The following SDK1 variants were observed in gnomAD, a reference collection of about 807,000 sequenced individuals.
SDK1 encodes sidekick cell adhesion molecule 1.
Under a neutral mutation model 245.5 loss-of-function variants are expected in SDK1, and 157 were observed. The observed-to-expected ratio is 0.64, with a 90% CI of 0.56 to 0.73. The LOEUF is 0.73. Ranked by LOEUF, SDK1 falls within the 30% of genes least tolerant of loss-of-function variation. The probability of loss-of-function intolerance (pLI) is 0.00; values close to 1 mark genes in which losing one functional copy is unlikely to be tolerated. For missense variants in SDK1, 3,583 were observed against 3,002.3 expected (o/e 1.19, Z -4.52); for synonymous variants, 1,647 against 1,278.5 (o/e 1.29, Z -6.15).
At chr7:3,422,170 T>C (rs1218257544) in intron 1 of SDK1, among the ~76,000 whole-genome samples, 2 of 152,192 alleles carry the variant, frequency 1.3e-5, no homozygotes, top group South Asian at 4.1e-4. Context: ...ATAAAACTTG[T>C]TACCTTCAAG....
At chr7:3,656,505 G>A (rs1158445782) in intron 4 of SDK1, among the ~76,000 whole-genome samples, 2 of 152,098 alleles carry the variant, frequency 1.3e-5, no homozygotes, top group Non-Finnish European at 2.9e-5. Flanking sequence ...CTCTAAGGGG[G>A]TACTGCTGGA....
At chr7:4,108,095 T>G (rs1374467487) in intron 22 of SDK1, among the ~76,000 whole-genome samples, 2 of 152,162 alleles carry the variant, frequency 1.3e-5, no homozygotes, top group Non-Finnish European at 2.9e-5. Flanking sequence ...AGTGAGCTCC[T>G]CTGAGATCCC....
intron 5 of SDK1, among the ~76,000 whole-genome samples, chr7:3,867,289 G>A (rs980110131): frequency 6.6e-6 from 1 of 152,136 alleles, no homozygotes; most frequent in Non-Finnish European, 1.5e-5. Context: ...TTCATTGAAA[G>A]CATGTTTTTC....
chr7:3,981,903 T>C (rs971813119), intron 13 of SDK1, among the ~76,000 whole-genome samples: 5 of 152,210 alleles, frequency 3.3e-5, no homozygotes, highest in African/African-American at 1.2e-4. Flanking sequence ...AAGACCTAGC[T>C]AGGAACAGTG....
At chr7:4,183,626 G>A (rs1782717237) in intron 35 of SDK1, among the ~76,000 whole-genome samples, 1 of 139,646 alleles carries the variant, frequency 7.2e-6, no homozygotes, top group Admixed American at 7.5e-5. Flanking sequence ...GGGCTACAGA[G>A]CAAGACTCCG....
intron 4 of SDK1, among the ~76,000 whole-genome samples, chr7:3,749,721 A>G (rs888664492): frequency 6.6e-6 from 1 of 151,336 alleles, no homozygotes; most frequent in African/African-American, 2.4e-5. Context: ...ACCTTGGTGC[A>G]GAGAGAGAGA....
intron 36 of SDK1, among the ~76,000 whole-genome samples, 189 bp from the exon 37 acceptor site, chr7:4,207,910 G>T (rs1784315142): frequency 6.6e-6 from 1 of 152,078 alleles, no homozygotes; most frequent in Non-Finnish European, 1.5e-5. Flanking sequence ...GCAGCCAGGG[G>T]TCCCCGTCCA....
At chr7:3,958,200 A>G (rs1366614658) in intron 7 of SDK1, 2 of 320,490 alleles carry the variant, frequency 6.2e-6, no homozygotes, top group Non-Finnish European at 1.2e-5. Flanking sequence ...TGTTATCATG[A>G]TAATGAAATC....
chr7:4,114,706 G>C (rs1339228530), intron 25 of SDK1, among the ~76,000 whole-genome samples: 1 of 152,106 alleles, frequency 6.6e-6, no homozygotes, highest in East Asian at 1.9e-4. Context: ...AACATAATAG[G>C]AGTTTACTTC....
At chr7:3,498,145 G>A (rs1227926736) in intron 1 of SDK1, among the ~76,000 whole-genome samples, 2 of 152,176 alleles carry the variant, frequency 1.3e-5, no homozygotes, top group Non-Finnish European at 2.9e-5. Flanking sequence ...GGGCCTCTTT[G>A]TAAAATTCAG....
At chr7:3,486,731 A>C (rs981997256) in intron 1 of SDK1, among the ~76,000 whole-genome samples, 10 of 152,018 alleles carry the variant, frequency 6.6e-5, no homozygotes, top group Admixed American at 2.0e-4. Flanking sequence ...CCACGTTTTA[A>C]TTTTATCCTA....
chr7:4,199,167 T>C (rs1481637489), intron 35 of SDK1, among the ~76,000 whole-genome samples: 1 of 152,136 alleles, frequency 6.6e-6, no homozygotes, highest in Non-Finnish European at 1.5e-5. Flanking sequence ...GAATTTTGTG[T>C]GTACAAACTG....
intron 4 of SDK1, among the ~76,000 whole-genome samples, chr7:3,799,417 T>C (rs1234097344): frequency 1.3e-5 from 2 of 151,598 alleles, no homozygotes; most frequent in African/African-American, 4.8e-5. Context: ...AGACCCTGTT[T>C]ATCCTGGCCA....
intron 5 of SDK1, among the ~76,000 whole-genome samples, chr7:3,926,931 T>C (rs530245584): frequency 3.2e-4 from 49 of 152,346 alleles, no homozygotes; most frequent in African/African-American, 1.1e-3. Context: ...GCAGGACTTA[T>C]GGGACATGAA....
chr7:3,934,734 C>T (rs149079001), intron 5 of SDK1, among the ~76,000 whole-genome samples: 3 of 152,294 alleles, frequency 2.0e-5, no homozygotes, highest in East Asian at 3.9e-4. Context: ...GAGATGGGCT[C>T]TTGTCCTACT....
intron 1 of SDK1, among the ~76,000 whole-genome samples, chr7:3,395,085 A>G (rs1247205094): frequency 6.6e-6 from 1 of 152,040 alleles, no homozygotes; most frequent in Non-Finnish European, 1.5e-5. Context: ...GTCTTAGAGG[A>G]AAAGAATTTG....
At chr7:3,422,343 A>G (rs1014371763) in intron 1 of SDK1, among the ~76,000 whole-genome samples, 4 of 152,236 alleles carry the variant, frequency 2.6e-5, no homozygotes, top group Admixed American at 2.6e-4. Context: ...CAAGAGTGAA[A>G]ACCTCATAGG....
intron 1 of SDK1, among the ~76,000 whole-genome samples, chr7:3,357,554 C>G (rs1186393419): frequency 6.6e-6 from 1 of 151,072 alleles, no homozygotes; most frequent in Non-Finnish European, 1.5e-5. Flanking sequence ...TGTTGTGTTG[C>G]CCAGGCTAGC....
chr7:3,497,607 G>C (rs1487568245), intron 1 of SDK1, among the ~76,000 whole-genome samples: 1 of 152,098 alleles, frequency 6.6e-6, no homozygotes, highest in African/African-American at 2.4e-5. Flanking sequence ...TTTAATTATG[G>C]TAATATCCTC....
Sources: allele counts gnomAD v4.1 joint callset (sites outside exome capture counted in the v4.1 genomes callset), GRCh38; gene constraint gnomAD v4.1.1; transcripts MANE v1.5; gene names NCBI Gene and HGNC (gene_info 2026-07-23, HGNC 2026-07-21).